Variants in FRMD7 observed in about 807,000 individuals in gnomAD.
The protein encoded by FRMD7 is FERM domain containing 7, also known as FERM domain-containing protein 7.
In FRMD7, 14 loss-of-function variants were observed where a neutral mutation model predicts 44.1. The observed-to-expected ratio is 0.32, with a 90% CI of 0.21 to 0.50. FRMD7 has a LOEUF of 0.50. Among genes scored for constraint, FRMD7 ranks in the 20% least tolerant of loss-of-function variants. The pLI is 0.99. For missense variants in FRMD7, 501 were observed against 522.3 expected, an observed-to-expected ratio of 0.96 and a Z score of 0.40; for synonymous variants, 212 against 187.4, an observed-to-expected ratio of 1.13 and a Z score of -1.07.
intron 7 of FRMD7, 93 bp downstream of exon 7, chrX:132,085,488 G>A (rs1602798399): frequency 2.7e-6 from 2 of 751,114 alleles, no homozygotes; most frequent in East Asian, 6.3e-5. Context: ...TAATACTGAG[G>A]GGTGAGATCA....
At chrX:132,112,207 T>C (rs1035370615) in intron 1 of FRMD7, among the ~76,000 whole-genome samples, 3 of 111,836 alleles carry the variant, frequency 2.7e-5, no homozygotes, top group African/African-American at 9.8e-5. Flanking sequence ...AAGAAATTCA[T>C]TGACCAAACT....
intron 1 of FRMD7, among the ~76,000 whole-genome samples, chrX:132,124,740 A>G (rs979214513): frequency 1.5e-4 from 17 of 111,898 alleles, no homozygotes; most frequent in Non-Finnish European, 2.6e-4. Flanking sequence ...CGGAGTTGTC[A>G]ATCATGCAAT....
intron 8 of FRMD7, 86 bp from the exon 9 acceptor site, chrX:132,082,612 CG>C: frequency 1.1e-6 from 1 of 874,074 alleles, no homozygotes; most frequent in Non-Finnish European, 1.7e-6. Flanking sequence ...ACTATTGCTC[CG>C]TTGGCCCATG....
intron 9 of FRMD7, among the ~76,000 whole-genome samples, chrX:132,081,269 T>C (rs747995259): frequency 9.0e-6 from 1 of 110,608 alleles, no homozygotes; most frequent in East Asian, 2.9e-4. Context: ...GAGGCGGAGA[T>C]TGCAGTGAGC....
At chrX:132,104,556 G>T (rs1369463981) in intron 1 of FRMD7, among the ~76,000 whole-genome samples, 2 of 111,265 alleles carry the variant, frequency 1.8e-5, no homozygotes, top group Admixed American at 1.9e-4. Flanking sequence ...AGCTGTGCGT[G>T]GTGGCGGGTG....
intron 1 of FRMD7, among the ~76,000 whole-genome samples, chrX:132,112,994 G>C (rs1928815050): frequency 9.0e-6 from 1 of 111,231 alleles, no homozygotes; most frequent in Non-Finnish European, 1.9e-5. Flanking sequence ...TTCACACTAA[G>C]GGGGGCAGGG....
chrX:132,122,978 G>T (rs1929072415), intron 1 of FRMD7, among the ~76,000 whole-genome samples: 1 of 111,483 alleles, frequency 9.0e-6, no homozygotes, highest in Non-Finnish European at 1.9e-5. Flanking sequence ...TCCAGTCACT[G>T]CCATTTTCCT....
Position 132,127,865 on chromosome X carries a change from TGCAA to T in FRMD7, c.-25_-22del. The T allele has an allele frequency of 8.4e-7, 1 of 1,186,474 alleles. No individual in the cohort carries two copies. ...AGCATTCTCAGCGAGGCCGTTGGGC[TGCAA>T]GCAGGCTCAGAGTGCTGTGGGTGCT... On this transcript the variant is annotated 5_prime_UTR_variant, in exon 1 of 12. It removes the in-frame stop codon of an upstream open reading frame in the 5' UTR. Coordinates refer to ENST00000298542, the MANE Select transcript of FRMD7 (RefSeq NM_194277.3).
At chrX:132,092,685 C>G (rs990627819) in intron 5 of FRMD7, among the ~76,000 whole-genome samples, 4 of 111,662 alleles carry the variant, frequency 3.6e-5, no homozygotes, top group Non-Finnish European at 7.5e-5. Context: ...AAATTGAGCT[C>G]CCCCGTCAGA....
intron 8 of FRMD7, among the ~76,000 whole-genome samples, chrX:132,083,974 A>G (rs924803946): frequency 9.0e-6 from 1 of 111,544 alleles, no homozygotes; most frequent in Non-Finnish European, 1.9e-5. Flanking sequence ...ATAAAAAAAG[A>G]AGATCATTTC....
intron 4 of FRMD7, among the ~76,000 whole-genome samples, chrX:132,096,761 G>A (rs1351399400): frequency 9.2e-6 from 1 of 108,790 alleles, no homozygotes; most frequent in African/African-American, 3.3e-5. Flanking sequence ...AGTAGAGTAA[G>A]GTTTTGAGGA....
At chrX:132,097,124 C>T (rs1928361278) in intron 4 of FRMD7, 142 bp downstream of exon 4, 1 of 548,889 alleles carries the variant, frequency 1.8e-6, no homozygotes, top group African/African-American at 2.3e-5. Context: ...TAGGCCCATC[C>T]TCTCTCCAGA....
At chrX:132,087,945 A>G (rs982931899) in intron 5 of FRMD7, among the ~76,000 whole-genome samples, 8 of 111,493 alleles carry the variant, frequency 7.2e-5, no homozygotes, top group Non-Finnish European at 1.3e-4. Flanking sequence ...AGGACAAAAA[A>G]AAAATAACCC....
At position 132,078,510 on chromosome X, in the gene FRMD7, G is replaced by T; in HGVS notation, c.1507C>A (p.Pro503Thr). 1 of 1,211,127 alleles carries T rather than the reference G, an allele frequency of 8.3e-7. No homozygotes were observed. The highest frequency in any genetic ancestry group is 3.0e-5 in the East Asian group (1 of 33,833). ...PQVFFYVDKP[P>T]QVPRWSPIRA... ...ATTGGGGACCATCTGGGCACCTGGG[G>T]TGGCTTGTCCACATAAAAAAAGACC... The change falls in exon 12 of 12, where the codon CCC becomes ACC. Residue 503 changes from proline to threonine, a missense_variant. Coordinates refer to ENST00000298542, the MANE Select transcript of FRMD7 (RefSeq NM_194277.3).
chrX:132,096,034 T>TG (rs144371916), intron 4 of FRMD7, among the ~76,000 whole-genome samples: 2 of 110,127 alleles, frequency 1.8e-5, no homozygotes, highest in African/African-American at 6.6e-5. Context: ...TTTTTGGAGG[T>TG]GGGGGGAGTT....
At chrX:132,115,810 C>T (rs1173018060) in intron 1 of FRMD7, among the ~76,000 whole-genome samples, 1 of 111,390 alleles carries the variant, frequency 9.0e-6, no homozygotes, top group Non-Finnish European at 1.9e-5. Flanking sequence ...CCACATTCCT[C>T]CAAATGCAGA....
At position 132,094,101 on chromosome X, in the gene FRMD7, A is replaced by G. The variant is rs777044371; in HGVS notation, c.323T>C (p.Leu108Pro). 1.4e-5 allele frequency: 16 copies of G among 1,176,193 alleles called. No individual in the cohort carries two copies. The South Asian group carries it at 2.5e-4, about 18-fold the overall frequency. Residue 108 changes from leucine (L) to proline (P), a missense_variant, in exon 5 of 12, where the codon CTA becomes CCA. By Grantham distance (98) the Leu-to-Pro change is moderately conservative (BLOSUM62 -3). Transcript: ENST00000298542. ...GTTGTCACTGCATGGAAGCCTTCCT[A>G]GAGCCAAATCCTTCTTTATTTGAAG... ...FTLQIKKDLALGRLPCSDNCT... is the reference protein window; with the variant it reads ...FTLQIKKDLAPGRLPCSDNCT...
chrX:132,091,743 G>T (rs1254017610), intron 5 of FRMD7, among the ~76,000 whole-genome samples: 1 of 110,508 alleles, frequency 9.0e-6, no homozygotes, highest in Non-Finnish European at 1.9e-5. Flanking sequence ...GTTGAGGCAG[G>T]AGAATCACTT....
intron 1 of FRMD7, among the ~76,000 whole-genome samples, chrX:132,108,400 CTG>C (rs1479382717): frequency 2.7e-5 from 3 of 111,844 alleles, no homozygotes; most frequent in Non-Finnish European, 5.6e-5. Flanking sequence ...GATTAATTTA[CTG>C]TTATGTGAAC....
Sources: allele counts gnomAD v4.1 joint callset (sites outside exome capture counted in the v4.1 genomes callset), GRCh38; gene constraint gnomAD v4.1.1; transcripts MANE v1.5; gene names NCBI Gene and HGNC (gene_info 2026-07-23, HGNC 2026-07-21).